The following IQCK variants were observed in gnomAD, a reference collection of about 807,000 sequenced individuals.
The protein encoded by IQCK is IQ domain-containing protein K.
IQCK carries 29 observed loss-of-function variants against 28.1 expected under a neutral mutation model. The ratio of observed to expected loss-of-function variants is 1.03; its 90% confidence interval spans 0.77 to 1.41. The LOEUF is 1.41. Among genes scored for constraint, IQCK ranks in the 40% most tolerant of loss-of-function variants. IQCK has a pLI of 0.00. For synonymous variants in IQCK, 113 were observed against 115.1 expected, an observed-to-expected ratio of 0.98 and a Z score of 0.12; for missense variants, 359 against 314.7, an observed-to-expected ratio of 1.14 and a Z score of -1.07.
intron 4 of IQCK, among the ~76,000 whole-genome samples, chr16:19,751,613 A>G (rs16951276): frequency 0.16 from 24,714 of 152,184 alleles, 2,159 homozygotes; most frequent in South Asian, 0.26. Context: ...ATTCTGTTTT[A>G]GGCAGGAGTA....
chr16:19,749,198 G>A (rs1373792089), intron 4 of IQCK, among the ~76,000 whole-genome samples: 2 of 152,290 alleles, frequency 1.3e-5, no homozygotes, highest in Middle Eastern at 3.4e-3. Context: ...ACGAAACAGA[G>A]CTTTCTTAAA....
chr16:19,822,400 A>G (rs546508826), intron 7 of IQCK, among the ~76,000 whole-genome samples: 21 of 151,868 alleles, frequency 1.4e-4, no homozygotes, highest in Admixed American at 3.3e-4. Flanking sequence ...AAAAAAAAAA[A>G]AAAAAGCAAA....
At chr16:19,731,711 A>G (rs1977845687) in intron 2 of IQCK, among the ~76,000 whole-genome samples, 1 of 152,202 alleles carries the variant, frequency 6.6e-6, no homozygotes, top group African/African-American at 2.4e-5. Context: ...GAGAGACAGA[A>G]TCAGTAGGAT....
chr16:19,761,307 CT>C (rs2055138308), intron 4 of IQCK: 3 of 443,026 alleles, frequency 6.8e-6, no homozygotes, highest in Non-Finnish European at 9.0e-6. Context: ...CCCTAATGTT[CT>C]TTTTTTCCCT....
intron 6 of IQCK, among the ~76,000 whole-genome samples, chr16:19,783,665 A>T (rs914111489): frequency 1.3e-5 from 2 of 152,144 alleles, no homozygotes; most frequent in Non-Finnish European, 2.9e-5. Context: ...AATTCCCAGG[A>T]CTACTCTTCG....
At chr16:19,820,162 T>C (rs551850327) in intron 7 of IQCK, among the ~76,000 whole-genome samples, 2 of 152,262 alleles carry the variant, frequency 1.3e-5, no homozygotes, top group East Asian at 3.9e-4. Flanking sequence ...TTATCTTAGA[T>C]TTGGCAATAA....
At chr16:19,775,194 TGCA>T (rs2055373604) in intron 6 of IQCK, among the ~76,000 whole-genome samples, 1 of 147,008 alleles carries the variant, frequency 6.8e-6, no homozygotes, top group Non-Finnish European at 1.5e-5. Context: ...GCCACTGTAC[TGCA>T]GCCTGGGCGA....
At chr16:19,776,824 C>T (rs1231740847) in intron 6 of IQCK, among the ~76,000 whole-genome samples, 4 of 152,178 alleles carry the variant, frequency 2.6e-5, no homozygotes, top group South Asian at 2.1e-4. Context: ...TATCTCCCGT[C>T]GGCCTTAGTC....
intron 1 of IQCK, among the ~76,000 whole-genome samples, chr16:19,727,415 C>T (rs1567532611): frequency 6.6e-6 from 1 of 152,040 alleles, no homozygotes; most frequent in Non-Finnish European, 1.5e-5. Context: ...GGTGAAACCC[C>T]ATCTCTACTA....
At position 19,836,729 on chromosome 16, in the gene IQCK, C is replaced by G. The variant is rs144768836; in HGVS notation, c.802+9592C>G. Among the ~76,000 whole-genome samples the G allele has an allele frequency of 7.7e-3, 1,166 of 152,278 alleles. 18 individuals are homozygous for G. The highest frequency in any genetic ancestry group is 0.025 in the African/African-American group (1,028 of 41,562). Reference sequence around the variant, plus strand: ...GGGTTTCACCATGTTGGCCAGGATGCTCTTGATCTCTTGACTTTGTGATCC... The same window carrying G: ...GGGTTTCACCATGTTGGCCAGGATGGTCTTGATCTCTTGACTTTGTGATCC... On this transcript the variant is annotated intron_variant, in intron 9 of 9. Transcript: ENST00000320394.
At chr16:19,776,974 C>A (rs1240452694) in intron 6 of IQCK, among the ~76,000 whole-genome samples, 4 of 152,114 alleles carry the variant, frequency 2.6e-5, no homozygotes, top group Non-Finnish European at 5.9e-5. Flanking sequence ...AAGAATGGCC[C>A]TGAGAATTGG....
intron 7 of IQCK, among the ~76,000 whole-genome samples, chr16:19,824,799 G>A (rs189499068): frequency 3.4e-4 from 52 of 152,320 alleles, no homozygotes; most frequent in Middle Eastern, 3.4e-3. Flanking sequence ...TTTCTGAGCC[G>A]TTTGTTACTT....
chr16:19,778,652 A>G (rs2055431396), intron 6 of IQCK, among the ~76,000 whole-genome samples: 1 of 151,938 alleles, frequency 6.6e-6, no homozygotes, highest in Non-Finnish European at 1.5e-5. Flanking sequence ...GTGAGACCCT[A>G]TCTCAAAAAA....
intron 9 of IQCK, among the ~76,000 whole-genome samples, chr16:19,844,280 A>G (rs1408515251): frequency 1.3e-5 from 2 of 152,026 alleles, no homozygotes; most frequent in Non-Finnish European, 2.9e-5. Flanking sequence ...GGGTTTCACT[A>G]TGTTGGCCCG....
intron 4 of IQCK, among the ~76,000 whole-genome samples, chr16:19,763,074 T>C (rs11864548): frequency 0.023 from 3,512 of 152,154 alleles, 118 homozygotes; most frequent in African/African-American, 0.08. Context: ...TAACTACTAA[T>C]AGCCTACTGT....
downstream of IQCK, among the ~76,000 whole-genome samples, chr16:19,827,947 T>C (rs1178126915): frequency 1.3e-5 from 2 of 152,100 alleles, no homozygotes; most frequent in Non-Finnish European, 2.9e-5. Context: ...AGTCTCACTC[T>C]GTTCGCCCAG....
At chr16:19,783,954 G>C (rs1440016252) in intron 6 of IQCK, among the ~76,000 whole-genome samples, 3 of 152,136 alleles carry the variant, frequency 2.0e-5, no homozygotes, top group African/African-American at 7.2e-5. Context: ...TCCTGCTGCT[G>C]TTCCGAAACA....
At chr16:19,818,182 C>T (rs2056014980) in intron 7 of IQCK, among the ~76,000 whole-genome samples, 1 of 152,118 alleles carries the variant, frequency 6.6e-6, no homozygotes, top group Non-Finnish European at 1.5e-5. Flanking sequence ...TCATCCTACC[C>T]AGAACCGAGA....
intron 7 of IQCK, among the ~76,000 whole-genome samples, chr16:19,813,020 C>A (rs992594610): frequency 6.6e-6 from 1 of 152,172 alleles, no homozygotes; most frequent in Non-Finnish European, 1.5e-5. Flanking sequence ...GGGTGAAGCC[C>A]ATGAATTTGC....
Sources: allele counts gnomAD v4.1 joint callset (sites outside exome capture counted in the v4.1 genomes callset), GRCh38; gene constraint gnomAD v4.1.1; transcripts MANE v1.5; gene names NCBI Gene and HGNC (gene_info 2026-07-23, HGNC 2026-07-21).